Variants in USP54 observed in about 807,000 individuals in gnomAD.
USP54 encodes ubiquitin specific peptidase 54.
USP54 carries 87 observed loss-of-function variants against 170.5 expected under a neutral mutation model. That is an observed-to-expected ratio of 0.51 (90% CI 0.43 to 0.61). The LOEUF (loss-of-function observed/expected upper bound fraction) is 0.61. Among genes scored for constraint, USP54 ranks in the 20% least tolerant of loss-of-function variants. The pLI is 0.00. For missense variants in USP54, 1,786 were observed against 2,047.8 expected (o/e 0.87, Z 2.47); for synonymous variants, 655 against 742.8 (o/e 0.88, Z 1.92).
upstream of USP54, among the ~76,000 whole-genome samples, chr10:73,594,026 A>G (rs1169405736): frequency 6.6e-6 from 1 of 152,172 alleles, no homozygotes; most frequent in African/African-American, 2.4e-5. Flanking sequence ...CAGTAAAGGC[A>G]GGAACTGAGT....
chr10:73,603,885 A>G (rs2079404292), intron 1 of USP54, among the ~76,000 whole-genome samples: 1 of 152,176 alleles, frequency 6.6e-6, no homozygotes, highest in Non-Finnish European at 1.5e-5. Context: ...ACTCAAGTTC[A>G]CTAATCATTA....
intron 20 of USP54, among the ~76,000 whole-genome samples, chr10:73,508,145 T>G (rs531062813): frequency 5.9e-5 from 9 of 152,282 alleles, no homozygotes; most frequent in African/African-American, 2.2e-4. Context: ...CGATGGCTCA[T>G]GCCTGTAATC....
At chr10:73,535,376 T>C (rs1000714605) in intron 11 of USP54, among the ~76,000 whole-genome samples, 9 of 151,960 alleles carry the variant, frequency 5.9e-5, no homozygotes, top group African/African-American at 1.7e-4. Flanking sequence ...GGGTGGGGTA[T>C]GAAAGGTGGA....
intron 1 of USP54, among the ~76,000 whole-genome samples, chr10:73,598,278 C>T (rs2078889238): frequency 6.6e-6 from 1 of 151,978 alleles, no homozygotes; most frequent in African/African-American, 2.4e-5. Context: ...ATTGAATATC[C>T]CCCATATGCA....
intron 1 of USP54, among the ~76,000 whole-genome samples, chr10:73,582,244 A>G (rs2076980818): frequency 6.6e-6 from 1 of 152,194 alleles, no homozygotes; most frequent in Non-Finnish European, 1.5e-5. Flanking sequence ...AGAGAGCTAC[A>G]GGTTATTAGC....
chr10:73,569,547 C>T (rs1010226543), intron 4 of USP54, among the ~76,000 whole-genome samples: 1 of 151,790 alleles, frequency 6.6e-6, no homozygotes, highest in Admixed American at 6.6e-5. Context: ...TTTGGGAGGC[C>T]GAGGCGGGCG....
chr10:73,506,813 C>T (rs190182358), intron 20 of USP54: 9 of 151,984 alleles, frequency 5.9e-5, no homozygotes, highest in Admixed American at 1.3e-4. Flanking sequence ...TACAGTCTTC[C>T]TAAAAAACAA....
chr10:73,545,782 G>T, intron 4 of USP54, 110 bp from the exon 5 acceptor site: 1 of 1,309,140 alleles, frequency 7.6e-7, no homozygotes. Flanking sequence ...GAAACCAAAT[G>T]TGCTTCCCAT....
intron 1 of USP54, among the ~76,000 whole-genome samples, chr10:73,596,401 CAAA>C (rs1028014166): frequency 6.6e-6 from 1 of 151,438 alleles, no homozygotes; most frequent in African/African-American, 2.4e-5. Flanking sequence ...ACTAAAAATA[CAAA>C]AAAAATTAGC....
intron 1 of USP54, among the ~76,000 whole-genome samples, chr10:73,613,551 AG>A (rs2080341348): frequency 1.3e-5 from 2 of 152,104 alleles, no homozygotes; most frequent in Non-Finnish European, 2.9e-5. Context: ...GCCAAAACAG[AG>A]ATAGGCAAAG....
intron 1 of USP54, among the ~76,000 whole-genome samples, chr10:73,582,625 A>C (rs1314751133): frequency 2.0e-5 from 3 of 152,174 alleles, no homozygotes; most frequent in Non-Finnish European, 2.9e-5. Flanking sequence ...TCCTGGCCTC[A>C]AGTGATCCAC....
chr10:73,587,135 T>C (rs2077582805), intron 1 of USP54, among the ~76,000 whole-genome samples: 1 of 152,136 alleles, frequency 6.6e-6, no homozygotes, highest in South Asian at 2.1e-4. Context: ...TACTGACTTC[T>C]AAAGGAAGCA....
At chr10:73,567,023 T>C (rs1317386432) in intron 4 of USP54, among the ~76,000 whole-genome samples, 2 of 151,736 alleles carry the variant, frequency 1.3e-5, no homozygotes, top group East Asian at 2.0e-4. Flanking sequence ...ATTACAAGCA[T>C]GCGCCACCAC....
Position 73,617,493 on chromosome 10 carries a change from A to G in USP54, c.-18+8074T>C, listed in dbSNP as rs2080738089. ...ATAAAAATAAAAAATAATAATAAAT[A>G]TGGAAAATATTCAACTTCATCTCAA... is the stretch of plus-strand genomic sequence containing the variant. On this transcript the variant is annotated intron_variant, in intron 1 of 22. Transcript: ENST00000339859. Among the ~76,000 whole-genome samples, 3 of 150,024 alleles carry G rather than the reference A, an allele frequency of 2.0e-5. 1 individual carries two copies. In the South Asian group the frequency reaches 6.2e-4, roughly 31 times the overall value.
At chr10:73,575,746 A>C in intron 2 of USP54, 52 bp downstream of exon 2, 2 of 1,418,788 alleles carry the variant, frequency 1.4e-6, no homozygotes, top group South Asian at 1.6e-5. Flanking sequence ...TCTAAAAGGA[A>C]AGGGAATCCA....
In USP54 at chr10:73,498,309, C is replaced by T. The variant is rs955092990; in HGVS notation, c.*320G>A. The T allele has an allele frequency of 5.0e-5, 9 of 179,334 alleles. No homozygotes were observed. Among genetic ancestry groups the T allele is most frequent in the Non-Finnish European group, 9.5e-5 (8 of 84,272 alleles). The allele number at this position is 179,334 out of a possible 1,614,324, so 11.1% of individuals were successfully genotyped here. The stretch of plus-strand genomic sequence containing the variant: ...TTTTGTTTTTTGAGATGGAGTCTCA[C>T]TCTATTGCCAAGCTGGAGTGCAGTG... On this transcript the variant is annotated 3_prime_UTR_variant, in exon 24 of 24. Transcript: ENST00000687698.
chr10:73,584,453 C>A (rs1467841843), intron 1 of USP54, among the ~76,000 whole-genome samples: 1 of 151,974 alleles, frequency 6.6e-6, no homozygotes, highest in African/African-American at 2.4e-5. Context: ...ATATGTGAAA[C>A]CTCTTGGTTT....
At chr10:73,543,164 C>G (rs749489408) in intron 5 of USP54, 33 bp from the exon 6 acceptor site, 1 of 1,450,642 alleles carries the variant, frequency 6.9e-7, no homozygotes, top group Non-Finnish European at 9.7e-7. Context: ...AGTATACCAA[C>G]AATATTTAAT....
upstream of USP54, among the ~76,000 whole-genome samples, chr10:73,595,571 T>C (rs1451634296): frequency 2.0e-5 from 3 of 152,292 alleles, no homozygotes; most frequent in South Asian, 2.1e-4. Flanking sequence ...GAGAGGGAGA[T>C]AGGGGCCACA....
Sources: allele counts gnomAD v4.1 joint callset (sites outside exome capture counted in the v4.1 genomes callset), GRCh38; gene constraint gnomAD v4.1.1; transcripts MANE v1.5; gene names NCBI Gene and HGNC (gene_info 2026-07-23, HGNC 2026-07-21).